The following CACNA2D3 variants were observed in gnomAD, a reference collection of about 807,000 sequenced individuals.
CACNA2D3 encodes calcium voltage-gated channel auxiliary subunit alpha2delta 3.
A neutral mutation model predicts 160.6 loss-of-function variants in CACNA2D3; 60 were observed. That is an observed-to-expected ratio of 0.37 (90% CI 0.30 to 0.46). The LOEUF is 0.46. CACNA2D3 is among the 20% of genes least tolerant of loss of function. The pLI is 1.00. For missense variants in CACNA2D3, 1,205 were observed against 1,365.0 expected (o/e 0.88, Z 1.85); for synonymous variants, 558 against 492.9 (o/e 1.13, Z -1.75).
intron 4 of CACNA2D3, among the ~76,000 whole-genome samples, chr3:54,454,492 A>G (rs906434606): frequency 2.6e-5 from 4 of 152,102 alleles, no homozygotes; most frequent in Admixed American, 6.6e-5. Flanking sequence ...ATAATTGTAC[A>G]TATTTAGGGG....
intron 11 of CACNA2D3, among the ~76,000 whole-genome samples, chr3:54,654,939 T>C (rs1364487503): frequency 1.3e-5 from 2 of 152,152 alleles, no homozygotes; most frequent in Admixed American, 6.5e-5. Flanking sequence ...ATTGACCTTA[T>C]TGGCCAGACC....
intron 5 of CACNA2D3, among the ~76,000 whole-genome samples, chr3:54,517,466 C>T (rs1401080770): frequency 6.6e-6 from 1 of 152,186 alleles, no homozygotes; most frequent in African/African-American, 2.4e-5. Context: ...CTCCAAGACC[C>T]TCGCCCCAGG....
At chr3:54,684,632 A>G (rs968371660) in intron 11 of CACNA2D3, among the ~76,000 whole-genome samples, 6 of 152,206 alleles carry the variant, frequency 3.9e-5, no homozygotes, top group Non-Finnish European at 7.3e-5. Flanking sequence ...CCCTTGGTGC[A>G]GTTTGAATAG....
intron 11 of CACNA2D3, among the ~76,000 whole-genome samples, chr3:54,699,650 G>C (rs1700729767): frequency 6.6e-6 from 1 of 152,024 alleles, no homozygotes; most frequent in African/African-American, 2.4e-5. Context: ...TTCTGAATTG[G>C]GACTTTTATC....
At chr3:54,984,523 G>A in intron 29 of CACNA2D3, 85 bp from the exon 30 acceptor site, 1 of 770,788 alleles carries the variant, frequency 1.3e-6, no homozygotes, top group East Asian at 2.7e-5. Flanking sequence ...TCTAAGGTTG[G>A]AAGTGTGTCA....
intron 2 of CACNA2D3, among the ~76,000 whole-genome samples, chr3:54,319,712 A>G (rs923385018): frequency 2.0e-5 from 3 of 152,110 alleles, no homozygotes; most frequent in South Asian, 2.1e-4. Context: ...ACTTGTGTCT[A>G]TTGATATTTA....
intron 17 of CACNA2D3, among the ~76,000 whole-genome samples, chr3:54,871,229 C>T (rs1699527140): frequency 2.7e-5 from 4 of 146,578 alleles, no homozygotes; most frequent in African/African-American, 1.1e-4. Flanking sequence ...ACACACCCCC[C>T]ATTCAAGGAG....
chr3:54,915,218 A>T (rs547138851), intron 27 of CACNA2D3, among the ~76,000 whole-genome samples: 1 of 152,272 alleles, frequency 6.6e-6, no homozygotes, highest in East Asian at 1.9e-4. Flanking sequence ...AGCTTTTCAG[A>T]TATAAAGTTG....
chr3:54,736,140 TACACAC>T (rs1215376036), intron 11 of CACNA2D3, among the ~76,000 whole-genome samples: 22 of 80,550 alleles, frequency 2.7e-4, no homozygotes, highest in East Asian at 7.5e-4. Context: ...TGTATATATA[TACACAC>T]ACACACACAC....
chr3:54,750,184 A>G (rs564203970), intron 11 of CACNA2D3, among the ~76,000 whole-genome samples: 4 of 152,228 alleles, frequency 2.6e-5, no homozygotes, highest in African/African-American at 9.6e-5. Flanking sequence ...AACTCAGTTT[A>G]TATGAAGGCT....
chr3:54,731,371 C>G (rs997090332), intron 11 of CACNA2D3, among the ~76,000 whole-genome samples: 1 of 152,200 alleles, frequency 6.6e-6, no homozygotes, highest in Non-Finnish European at 1.5e-5. Context: ...TTCTCATTCA[C>G]TAGGTTCTTC....
At chr3:54,660,452 AC>A (rs765347530) in intron 11 of CACNA2D3, among the ~76,000 whole-genome samples, 14 of 152,096 alleles carry the variant, frequency 9.2e-5, no homozygotes, top group Non-Finnish European at 2.1e-4. Context: ...GAGCCACCGC[AC>A]CCGGCTGCTT....
intron 4 of CACNA2D3, among the ~76,000 whole-genome samples, chr3:54,464,618 C>T (rs538929876): frequency 1.3e-5 from 2 of 152,214 alleles, no homozygotes; most frequent in Non-Finnish European, 2.9e-5. Context: ...GTTTTTTAAG[C>T]CCGTCGGAAA....
At chr3:54,587,477 A>C (rs1702782015) in intron 9 of CACNA2D3, among the ~76,000 whole-genome samples, 1 of 152,080 alleles carries the variant, frequency 6.6e-6, no homozygotes. Flanking sequence ...GAATCACTTG[A>C]ACCCGGGAGG....
chr3:54,797,063 G>T (rs763863136), intron 13 of CACNA2D3, among the ~76,000 whole-genome samples: 1 of 152,258 alleles, frequency 6.6e-6, no homozygotes, highest in South Asian at 2.1e-4. Flanking sequence ...TCTTTCAAGT[G>T]ACCCTAGAAG....
In CACNA2D3 at chr3:54,174,815, G is replaced by C. The variant is rs552499763; in HGVS notation, c.204+51221G>C. On this transcript the variant is annotated intron_variant, in intron 2 of 37. Coordinates refer to ENST00000474759, the MANE Select transcript of CACNA2D3 (RefSeq NM_018398.3). Reference sequence around the variant, plus strand: ...GCTGGGATTACAGGCGTGAGCCACTGTGCCTGGCCTGAAGTTGGACTATTT... The same window carrying C: ...GCTGGGATTACAGGCGTGAGCCACTCTGCCTGGCCTGAAGTTGGACTATTT... Among the ~76,000 whole-genome samples, 94 of 152,358 alleles carry C rather than the reference G, an allele frequency of 6.2e-4. 1 individual carries two copies. In the South Asian group the frequency reaches 0.019, roughly 31 times the overall value.
At chr3:54,783,141 A>G (rs551570748) in intron 13 of CACNA2D3, among the ~76,000 whole-genome samples, 35 of 152,152 alleles carry the variant, frequency 2.3e-4, no homozygotes, top group Non-Finnish European at 4.6e-4. Flanking sequence ...GTTACATGCA[A>G]GAAGGTCTCC....
At chr3:54,518,143 T>G (rs1701583846) in intron 5 of CACNA2D3, among the ~76,000 whole-genome samples, 1 of 152,188 alleles carries the variant, frequency 6.6e-6, no homozygotes, top group Non-Finnish European at 1.5e-5. Context: ...AATTTTCCCC[T>G]GCTAAATGCA....
At chr3:54,736,113 ATATATACATATATATAT>A in intron 11 of CACNA2D3, among the ~76,000 whole-genome samples, 1 of 25,772 alleles carries the variant, frequency 3.9e-5, no homozygotes, top group Admixed American at 4.7e-4. Flanking sequence ...ATATATGTAT[ATATATACATATATATAT>A]GTATATATAT....
Sources: gnomAD v4.1 joint callset for allele counts (sites outside exome capture counted in the v4.1 genomes callset) on GRCh38, gnomAD v4.1.1 for gene constraint, MANE v1.5 for transcripts, NCBI Gene and HGNC (gene_info 2026-07-23, HGNC 2026-07-21) for gene names.